The following TMCC1 variants were observed in gnomAD, a reference collection of about 807,000 sequenced individuals.
The protein encoded by TMCC1 is transmembrane and coiled-coil domain family 1.
In TMCC1, 15 loss-of-function variants were observed where a neutral mutation model predicts 52.4. The ratio of observed to expected loss-of-function variants is 0.29; its 90% confidence interval spans 0.19 to 0.44. TMCC1 has a LOEUF of 0.44. Ranked by LOEUF, TMCC1 falls within the 20% of genes least tolerant of loss-of-function variation. TMCC1 has a pLI of 1.00. For synonymous variants in TMCC1, 279 were observed against 301.9 expected, an observed-to-expected ratio of 0.92 and a Z score of 0.79; for missense variants, 503 against 806.0, an observed-to-expected ratio of 0.62 and a Z score of 4.55.
At chr3:129,876,753 G>A (rs2061234912) in intron 2 of TMCC1, among the ~76,000 whole-genome samples, 1 of 152,154 alleles carries the variant, frequency 6.6e-6, no homozygotes, top group Non-Finnish European at 1.5e-5. Flanking sequence ...AAGAGATCGA[G>A]ACCATCCTGG....
chr3:129,876,387 T>C (rs1394136266), intron 2 of TMCC1, among the ~76,000 whole-genome samples: 1 of 150,814 alleles, frequency 6.6e-6, no homozygotes, highest in African/African-American at 2.4e-5. Flanking sequence ...TTCAGCCCTA[T>C]AACCTAAGAA....
At chr3:129,888,199 A>G (rs2061808438) in intron 1 of TMCC1, among the ~76,000 whole-genome samples, 1 of 152,240 alleles carries the variant, frequency 6.6e-6, no homozygotes, top group East Asian at 1.9e-4. Flanking sequence ...CTGATGAAGC[A>G]GGAGGTTACA....
chr3:129,802,115 C>CTTGTCTTGGGATTAATATGTAA (rs1468192231), intron 4 of TMCC1, among the ~76,000 whole-genome samples: 5 of 152,160 alleles, frequency 3.3e-5, no homozygotes, highest in Non-Finnish European at 7.3e-5. Context: ...ACTATATAGT[C>CTTGTCTTGGGATTAATATGTAA]TTGTCTTGGG....
chr3:129,846,676 T>C (rs784701), intron 2 of TMCC1, among the ~76,000 whole-genome samples: 149,908 of 152,046 alleles, frequency 0.99, 73,937 homozygotes, highest in East Asian at 1. Flanking sequence ...TAATAGGAAA[T>C]CCAAGAGTTA....
intron 4 of TMCC1, among the ~76,000 whole-genome samples, chr3:129,700,852 C>T (rs1425674967): frequency 6.6e-6 from 1 of 152,014 alleles, no homozygotes; most frequent in Non-Finnish European, 1.5e-5. Context: ...ATGGCCCATA[C>T]AATGGTATAC....
At chr3:129,670,185 G>A in intron 5 of TMCC1, 145 bp downstream of exon 5, 1 of 765,572 alleles carries the variant, frequency 1.3e-6, no homozygotes. Flanking sequence ...GCTTCATCAG[G>A]AACTCATGTG....
intron 6 of TMCC1, 63 bp downstream of exon 6, chr3:129,654,899 TCCGCTG>T: frequency 6.4e-7 from 1 of 1,571,278 alleles, no homozygotes; most frequent in Admixed American, 1.9e-5. Context: ...CTTTTTTCCT[TCCGCTG>T]TTTTCCTTTT....
intron 5 of TMCC1, among the ~76,000 whole-genome samples, chr3:129,666,468 G>A (rs566467031): frequency 2.9e-4 from 44 of 152,300 alleles, no homozygotes; most frequent in African/African-American, 1.0e-3. Context: ...GCCGGGCATG[G>A]TGGCTCATGT....
intron 2 of TMCC1, among the ~76,000 whole-genome samples, chr3:129,855,328 T>C (rs1256020082): frequency 1.3e-5 from 2 of 152,198 alleles, no homozygotes; most frequent in African/African-American, 4.8e-5. Context: ...TACCTCGTTT[T>C]CTTAATACTT....
At chr3:129,863,166 T>C (rs1040913280) in intron 2 of TMCC1, among the ~76,000 whole-genome samples, 1 of 152,240 alleles carries the variant, frequency 6.6e-6, no homozygotes. Context: ...TTGGTTATAC[T>C]GTACCCATAC....
intron 2 of TMCC1, among the ~76,000 whole-genome samples, chr3:129,850,722 C>A (rs146543611): frequency 6.6e-6 from 1 of 152,084 alleles, no homozygotes; most frequent in African/African-American, 2.4e-5. Context: ...CCTTCAGAGC[C>A]GAGAGCCCCG....
rs369500260 is a variant in TMCC1, at chr3:129,669,493, G to A, written c.1511+837C>T. 1.3e-4 allele frequency among the ~76,000 whole-genome samples: 20 copies of A among 151,644 alleles called. No individual in the cohort carries two copies. In the East Asian group the frequency reaches 1.9e-3, roughly 15 times the overall value. ...CTTGTTGCCGAGGCTGGAACACAAT[G>A]GTGAGATCTCGGCTCACCGCAACCT... On this transcript the variant is annotated intron_variant, in intron 5 of 6. Transcript: ENST00000393238.
intron 4 of TMCC1, among the ~76,000 whole-genome samples, chr3:129,756,386 T>C (rs1385889227): frequency 2.0e-5 from 3 of 152,340 alleles, no homozygotes; most frequent in African/African-American, 2.4e-5. Flanking sequence ...ATTGTTTCTA[T>C]TGATTCAACA....
chr3:129,673,008 T>A (rs2088087935), intron 4 of TMCC1, among the ~76,000 whole-genome samples: 1 of 152,118 alleles, frequency 6.6e-6, no homozygotes, highest in Non-Finnish European at 1.5e-5. Context: ...CACTACCTTC[T>A]TTCTAGATGA....
chr3:129,845,867 AC>A (rs1364303844), intron 2 of TMCC1, among the ~76,000 whole-genome samples: 1 of 152,156 alleles, frequency 6.6e-6, no homozygotes, highest in Admixed American at 6.5e-5. Flanking sequence ...CCCTGTCTCT[AC>A]AAAAAAAAAT....
intron 1 of TMCC1, among the ~76,000 whole-genome samples, chr3:129,889,676 A>G (rs957749680): frequency 1.3e-5 from 2 of 152,232 alleles, no homozygotes; most frequent in African/African-American, 4.8e-5. Flanking sequence ...AATTTTACTC[A>G]GTGCATCTAG....
intron 4 of TMCC1, among the ~76,000 whole-genome samples, chr3:129,746,105 T>TA (rs778959880): frequency 3.3e-5 from 5 of 150,494 alleles, no homozygotes; most frequent in Admixed American, 6.6e-5. Context: ...AGGAGGGGGG[T>TA]AAAAAAAACA....
In TMCC1 at chr3:129,671,067, G is replaced by A. The variant is rs2087893026; in HGVS notation, c.774C>T (p.Asn258=). ...IKIAQTARDD[N]VAEYLKLANS... ...TGGCAAGCTTCAAGTATTCAGCAACGTTGTCGTCCCGGGCTGTTTGTGCAA... is the reference window on the plus strand; with the variant it reads ...TGGCAAGCTTCAAGTATTCAGCAACATTGTCGTCCCGGGCTGTTTGTGCAA... The change falls in exon 5 of 7, where the codon AAC becomes AAT. Residue 258 remains asparagine (N), a synonymous_variant. Transcript: ENST00000393238. The A allele has an allele frequency of 6.2e-7, 1 of 1,614,210 alleles. No homozygotes were observed. The highest frequency in any genetic ancestry group is 1.6e-4 in the Middle Eastern group (1 of 6,062).
chr3:129,733,614 A>G (rs986740672), intron 4 of TMCC1, among the ~76,000 whole-genome samples: 1 of 152,186 alleles, frequency 6.6e-6, no homozygotes, highest in Non-Finnish European at 1.5e-5. Context: ...GAAAGTGGAA[A>G]TGCCCTAAGG....
Sources: allele counts gnomAD v4.1 joint callset (sites outside exome capture counted in the v4.1 genomes callset), GRCh38; gene constraint gnomAD v4.1.1; transcripts MANE v1.5; gene names NCBI Gene and HGNC (gene_info 2026-07-23, HGNC 2026-07-21).